Variants in DCDC1 observed in about 807,000 individuals in gnomAD.
DCDC1 encodes the protein doublecortin domain-containing protein 1.
DCDC1 carries 200 observed loss-of-function variants against 178.3 expected under a neutral mutation model. That is an observed-to-expected ratio of 1.12 (90% CI 1.00 to 1.26). DCDC1 has a LOEUF of 1.26. Ranked by LOEUF, DCDC1 falls within the 50% of genes most tolerant of loss-of-function variation. The probability of loss-of-function intolerance (pLI) is 0.00; values close to 1 mark genes in which losing one functional copy is unlikely to be tolerated. For synonymous variants in DCDC1, 690 were observed against 604.8 expected (o/e 1.14, Z -2.07); for missense variants, 1,983 against 1,749.2 (o/e 1.13, Z -2.38).
At chr11:30,971,759 G>A (rs291148) in intron 20 of DCDC1, among the ~76,000 whole-genome samples, 3,584 of 151,798 alleles carry the variant, frequency 0.024, 153 homozygotes, top group African/African-American at 0.083. Context: ...ACAGGTGCCC[G>A]CCACCACGCC....
chr11:31,068,249 T>C (rs1475857788), intron 18 of DCDC1, among the ~76,000 whole-genome samples: 2 of 152,280 alleles, frequency 1.3e-5, no homozygotes, highest in East Asian at 3.9e-4. Flanking sequence ...ATATATTAGT[T>C]GTACATATTT....
intron 23 of DCDC1, among the ~76,000 whole-genome samples, chr11:30,923,617 A>C (rs291163): frequency 6.8e-6 from 1 of 146,540 alleles, no homozygotes; most frequent in African/African-American, 2.5e-5. Flanking sequence ...TAATAATAAT[A>C]ATAATTATTA....
At chr11:30,971,776 A>T (rs1210918571) in intron 20 of DCDC1, among the ~76,000 whole-genome samples, 3 of 151,722 alleles carry the variant, frequency 2.0e-5, no homozygotes, top group African/African-American at 7.3e-5. Flanking sequence ...CGCCCAGCTA[A>T]TTTTTTGTAT....
chr11:30,974,996 C>T (rs575338936), intron 20 of DCDC1, among the ~76,000 whole-genome samples: 8 of 152,028 alleles, frequency 5.3e-5, no homozygotes, highest in African/African-American at 1.4e-4. Context: ...AAACTGAATC[C>T]AACAGTACAT....
intron 10 of DCDC1, among the ~76,000 whole-genome samples, chr11:31,137,389 G>A (rs1295807501): frequency 1.4e-5 from 2 of 139,956 alleles, no homozygotes; most frequent in Non-Finnish European, 3.0e-5. Context: ...TCTCGCTGTT[G>A]CCCAGGCTGG....
chr11:31,202,939 T>C (rs1591389929), intron 9 of DCDC1, among the ~76,000 whole-genome samples: 1 of 152,012 alleles, frequency 6.6e-6, no homozygotes, highest in African/African-American at 2.4e-5. Flanking sequence ...TGGAAGGAAA[T>C]AGAACATGTG....
chr11:30,969,767 A>AAC (rs1223893790), intron 20 of DCDC1, among the ~76,000 whole-genome samples: 6 of 152,174 alleles, frequency 3.9e-5, no homozygotes, highest in African/African-American at 1.4e-4. Context: ...TTTTATTTAA[A>AAC]ACAAGTTGTA....
intron 3 of DCDC1, 66 bp downstream of exon 3, chr11:31,328,051 C>T: frequency 1.4e-6 from 2 of 1,450,824 alleles, no homozygotes; most frequent in Non-Finnish European, 1.8e-6. Context: ...AAAATTTAAA[C>T]TACTTTCTAT....
At chr11:31,157,875 T>C (rs1965888197) in intron 9 of DCDC1, among the ~76,000 whole-genome samples, 1 of 152,186 alleles carries the variant, frequency 6.6e-6, no homozygotes, top group African/African-American at 2.4e-5. Flanking sequence ...AAAAAGTAGC[T>C]ATAACATATG....
rs1429927793 is a variant in DCDC1 at position 30,912,710 on chromosome 11, T to A, written c.3654-1290A>T. Among the ~76,000 whole-genome samples, 4 of 152,204 alleles carry A rather than the reference T, an allele frequency of 2.6e-5. No homozygotes were observed. In the South Asian group the frequency reaches 6.2e-4, roughly 24 times the overall value. On this transcript the variant is annotated intron_variant, in intron 27 of 38. Transcript: ENST00000684477. The stretch of plus-strand genomic sequence containing the variant: ...CAGTGGAATGGAACCATACCTTTTT[T>A]AATGAGTCCTGAACCCTAGCCTTGG...
At chr11:31,262,415 A>T (rs571701533) in intron 8 of DCDC1, among the ~76,000 whole-genome samples, 2 of 152,356 alleles carry the variant, frequency 1.3e-5, no homozygotes, top group South Asian at 4.1e-4. Context: ...ATAGCATAGA[A>T]GGAAAACTTA....
intron 34 of DCDC1, 43 bp from the exon 35 acceptor site, chr11:30,894,427 C>T (rs757149908): frequency 1.3e-6 from 2 of 1,598,780 alleles, no homozygotes. Flanking sequence ...TGATGATAGG[C>T]TTTCAGATTT....
intron 20 of DCDC1, among the ~76,000 whole-genome samples, chr11:31,050,210 G>A (rs951511514): frequency 5.9e-5 from 9 of 152,124 alleles, no homozygotes; most frequent in Non-Finnish European, 1.3e-4. Flanking sequence ...TGGGAGCGGG[G>A]TGAGGCCTAT....
intron 9 of DCDC1, among the ~76,000 whole-genome samples, chr11:31,237,973 C>G (rs1047213557): frequency 6.6e-6 from 1 of 151,908 alleles, no homozygotes; most frequent in African/African-American, 2.4e-5. Flanking sequence ...ACTCATTTCC[C>G]TTTTTTCTCT....
At chr11:30,889,190 T>A (rs1943563250) in intron 36 of DCDC1, among the ~76,000 whole-genome samples, 1 of 152,142 alleles carries the variant, frequency 6.6e-6, no homozygotes, top group African/African-American at 2.4e-5. Flanking sequence ...CAGAGAAAGA[T>A]GCTGGTCCTG....
At chr11:30,902,162 A>C (rs1297987810) in intron 32 of DCDC1, among the ~76,000 whole-genome samples, 1 of 152,158 alleles carries the variant, frequency 6.6e-6, no homozygotes, top group Non-Finnish European at 1.5e-5. Context: ...CAATGTAATG[A>C]TATTATGAGA....
chr11:31,106,306 T>C (rs1958837674), intron 13 of DCDC1, among the ~76,000 whole-genome samples: 1 of 152,238 alleles, frequency 6.6e-6, no homozygotes, highest in African/African-American at 2.4e-5. Context: ...GGTTAAGACT[T>C]TATTTGTGAA....
At chr11:31,353,098 A>C (rs1951158701) in intron 1 of DCDC1, among the ~76,000 whole-genome samples, 1 of 152,238 alleles carries the variant, frequency 6.6e-6, no homozygotes, top group African/African-American at 2.4e-5. Flanking sequence ...CTTTGACAAT[A>C]CACATAATTT....
intron 9 of DCDC1, among the ~76,000 whole-genome samples, chr11:31,159,776 C>A (rs1281472783): frequency 1.3e-5 from 2 of 152,044 alleles, no homozygotes; most frequent in East Asian, 3.9e-4. Context: ...TCCCCTTCCA[C>A]CAAAAAAAGA....
Sources: allele counts gnomAD v4.1 joint callset (sites outside exome capture counted in the v4.1 genomes callset), GRCh38; gene constraint gnomAD v4.1.1; transcripts MANE v1.5; gene names NCBI Gene and HGNC (gene_info 2026-07-23, HGNC 2026-07-21).